The following LARGE1 variants were observed in gnomAD, a reference collection of about 807,000 sequenced individuals.
LARGE1 encodes the protein LARGE xylosyl- and glucuronyltransferase 1, also known as xylosyl- and glucuronyltransferase LARGE1.
In LARGE1, 43 loss-of-function variants were observed where a neutral mutation model predicts 87.6. That is an observed-to-expected ratio of 0.49 (90% CI 0.38 to 0.63). The LOEUF (loss-of-function observed/expected upper bound fraction) is 0.63, where lower values mean the gene tolerates loss of function less well. LARGE1 is among the 30% of genes least tolerant of loss of function. The pLI is 0.00. For missense variants in LARGE1, 802 were observed against 1,000.2 expected, an observed-to-expected ratio of 0.80 and a Z score of 2.67; for synonymous variants, 434 against 394.6, an observed-to-expected ratio of 1.10 and a Z score of -1.18.
chr22:33,420,679 T>C (rs2066659632), intron 7 of LARGE1, among the ~76,000 whole-genome samples: 1 of 152,320 alleles, frequency 6.6e-6, no homozygotes, highest in South Asian at 2.1e-4. Context: ...CCCATTTGTC[T>C]TGTTCACTGT....
intron 1 of LARGE1, among the ~76,000 whole-genome samples, chr22:33,807,135 T>C (rs569132209): frequency 1.3e-5 from 2 of 152,316 alleles, no homozygotes; most frequent in Middle Eastern, 3.4e-3. Context: ...AGACAGTGTG[T>C]CTGTATGCAA....
At chr22:33,301,881 A>G (rs1934193282) in intron 12 of LARGE1, among the ~76,000 whole-genome samples, 1 of 152,180 alleles carries the variant, frequency 6.6e-6, no homozygotes, top group Non-Finnish European at 1.5e-5. Context: ...AAACATAGAA[A>G]GACAAAGAAA....
intron 11 of LARGE1, among the ~76,000 whole-genome samples, chr22:33,178,178 T>C (rs1568961053): frequency 6.6e-6 from 1 of 152,180 alleles, no homozygotes; most frequent in Non-Finnish European, 1.5e-5. Context: ...CCTGCATCAC[T>C]AGGATCACCA....
At chr22:33,355,182 T>C (rs1006779973) in intron 9 of LARGE1, among the ~76,000 whole-genome samples, 4 of 152,246 alleles carry the variant, frequency 2.6e-5, no homozygotes, top group Admixed American at 1.3e-4. Flanking sequence ...CATGATCTTT[T>C]AGGCCCCTGT....
chr22:33,708,001 G>A (rs574821568), intron 2 of LARGE1, among the ~76,000 whole-genome samples: 2 of 152,116 alleles, frequency 1.3e-5, no homozygotes, highest in Non-Finnish European at 2.9e-5. Context: ...CAGGGCCTTA[G>A]AGAGGATGAC....
intron 11 of LARGE1, among the ~76,000 whole-genome samples, chr22:33,244,832 G>A (rs919443001): frequency 6.6e-6 from 1 of 152,152 alleles, no homozygotes; most frequent in African/African-American, 2.4e-5. Flanking sequence ...GTGTACGTAA[G>A]GAGGGGGAGG....
chr22:33,492,027 G>A (rs976314463), intron 6 of LARGE1, among the ~76,000 whole-genome samples: 6 of 152,168 alleles, frequency 3.9e-5, no homozygotes, highest in African/African-American at 1.4e-4. Flanking sequence ...AAGTATCAGT[G>A]GCAGTGTTCT....
At chr22:33,626,179 C>T in intron 4 of LARGE1, 65 bp downstream of exon 4, 2 of 1,439,036 alleles carry the variant, frequency 1.4e-6, no homozygotes, top group South Asian at 1.1e-5. Context: ...TTAACCCTTC[C>T]CCAAGGAAAT....
chr22:33,094,508 A>G, the LARGE1 span, among the ~76,000 whole-genome samples: 5 of 152,118 alleles, frequency 3.3e-5, no homozygotes, highest in South Asian at 1.0e-3. Flanking sequence ...CCATCCTCTG[A>G]CAATACCACT....
In LARGE1 at chr22:33,274,080, A is replaced by G; in HGVS notation, c.*347T>C. 2.3e-6 allele frequency: 1 copy of G among 435,842 alleles called. No homozygotes were observed. The highest frequency in any genetic ancestry group is 2.8e-5 in the South Asian group (1 of 35,900). 27.0% of individuals were successfully genotyped at this position (435,842 alleles called of 1,614,324 possible). A position where few individuals can be genotyped will look rare whatever the true frequency, so the allele number is the denominator to read the frequency against. ...CCCAGTTATGATGGGAAGCATAATT[A>G]TTAAAAAGCATCCAGAACATCCTAA... On this transcript the variant is annotated 3_prime_UTR_variant, in exon 15 of 15. Coordinates refer to ENST00000397394, the MANE Select transcript of LARGE1 (RefSeq NM_133642.5).
intron 9 of LARGE1, among the ~76,000 whole-genome samples, chr22:33,375,251 A>G (rs551717740): frequency 2.6e-5 from 4 of 152,382 alleles, no homozygotes; most frequent in East Asian, 1.9e-4. Flanking sequence ...GGTAAACTAT[A>G]TATTTGTGAA....
At chr22:33,333,384 T>G (rs1162872551) in intron 10 of LARGE1, among the ~76,000 whole-genome samples, 1 of 152,086 alleles carries the variant, frequency 6.6e-6, no homozygotes. Context: ...CCTTGAGTGA[T>G]TTTTCTCTAA....
intron 13 of LARGE1, among the ~76,000 whole-genome samples, chr22:33,279,087 G>A (rs1929934645): frequency 6.6e-6 from 1 of 152,110 alleles, no homozygotes; most frequent in Admixed American, 6.6e-5. Flanking sequence ...CAACAATTGT[G>A]CACTAAACTG....
At chr22:33,889,432 G>C (rs1433580265) in intron 1 of LARGE1, among the ~76,000 whole-genome samples, 2 of 152,210 alleles carry the variant, frequency 1.3e-5, no homozygotes, top group Admixed American at 1.3e-4. Flanking sequence ...AGAAGTTTGA[G>C]ATTCTGGAGC....
At chr22:33,427,500 T>G (rs1354228900) in intron 7 of LARGE1, among the ~76,000 whole-genome samples, 1 of 152,136 alleles carries the variant, frequency 6.6e-6, no homozygotes, top group Non-Finnish European at 1.5e-5. Flanking sequence ...ACTGACTGAC[T>G]CTTGTAGGGG....
chr22:33,713,972 G>GTAACGTAACGTAACGTAACATAACA (rs1426662781), intron 2 of LARGE1, among the ~76,000 whole-genome samples: 3 of 119,632 alleles, frequency 2.5e-5, no homozygotes, highest in Non-Finnish European at 3.6e-5. Context: ...AGTAAATAAC[G>GTAACGTAACGTAACGTAACATAACA]TAACATAACG....
intron 7 of LARGE1, among the ~76,000 whole-genome samples, chr22:33,402,301 T>C (rs1265109521): frequency 6.6e-6 from 1 of 152,190 alleles, no homozygotes; most frequent in Non-Finnish European, 1.5e-5. Flanking sequence ...CTTCATTTTA[T>C]AGATGAGGAA....
At position 33,305,078 on chromosome 22, in the gene LARGE1, G is replaced by A. The variant is rs187860728; in HGVS notation, c.1452-571C>T. On this transcript the variant is annotated intron_variant, in intron 11 of 14. Coordinates refer to ENST00000397394, the MANE Select transcript of LARGE1 (RefSeq NM_133642.5). Reference sequence around the variant, plus strand: ...CCATTTTCCTGATGGAGGAACGGACGTGCCGTATGTTCAATCAGCTTGGCC... The same window carrying A: ...CCATTTTCCTGATGGAGGAACGGACATGCCGTATGTTCAATCAGCTTGGCC... 3.4e-3 allele frequency among the ~76,000 whole-genome samples: 524 copies of A among 152,262 alleles called. 1 individual carries two copies. The highest frequency in any genetic ancestry group is 4.9e-3 in the Non-Finnish European group (331 of 68,028).
chr22:33,354,447 C>T (rs1940701301), intron 9 of LARGE1, among the ~76,000 whole-genome samples: 1 of 152,128 alleles, frequency 6.6e-6, no homozygotes, highest in Admixed American at 6.6e-5. Flanking sequence ...AATCAATTTA[C>T]CTTGTTAGTT....
Sources: gnomAD v4.1 joint callset for allele counts (sites outside exome capture counted in the v4.1 genomes callset) on GRCh38, gnomAD v4.1.1 for gene constraint, MANE v1.5 for transcripts, NCBI Gene and HGNC (gene_info 2026-07-23, HGNC 2026-07-21) for gene names.